The following RBFOX1 variants were observed in gnomAD, a reference collection of about 807,000 sequenced individuals.
RBFOX1 encodes the protein RNA binding protein fox-1 homolog 1.
In RBFOX1, 8 loss-of-function variants were observed where a neutral mutation model predicts 57.7. The observed-to-expected ratio is 0.14, with a 90% CI of 0.08 to 0.25. The LOEUF (loss-of-function observed/expected upper bound fraction) is 0.25, where lower values mean the gene tolerates loss of function less well. Among genes scored for constraint, RBFOX1 ranks in the 10% least tolerant of loss-of-function variants. RBFOX1 has a pLI of 1.00. For missense variants in RBFOX1, 611 were observed against 548.5 expected (o/e 1.11, Z -1.14); for synonymous variants, 326 against 222.4 (o/e 1.47, Z -4.15).
At chr16:5,739,936 G>C (rs2052716196) in intron 3 of RBFOX1, among the ~76,000 whole-genome samples, 1 of 152,238 alleles carries the variant, frequency 6.6e-6, no homozygotes, top group Non-Finnish European at 1.5e-5. Flanking sequence ...ACCACAGCTA[G>C]AGACAGAGGA....
intron 3 of RBFOX1, among the ~76,000 whole-genome samples, chr16:6,938,065 C>G (rs1359271217): frequency 2.0e-5 from 3 of 151,946 alleles, no homozygotes; most frequent in African/African-American, 4.8e-5. Flanking sequence ...GGATATCCCT[C>G]AGTTTCTGCT....
intron 1 of RBFOX1, among the ~76,000 whole-genome samples, chr16:6,036,507 A>G (rs998886717): frequency 2.0e-5 from 3 of 152,162 alleles, no homozygotes; most frequent in South Asian, 4.1e-4. Context: ...GCAAATACCT[A>G]TCACTTAGAT....
At chr16:6,180,178 A>G (rs1303277864) in intron 1 of RBFOX1, among the ~76,000 whole-genome samples, 1 of 152,146 alleles carries the variant, frequency 6.6e-6, no homozygotes, top group Non-Finnish European at 1.5e-5. Context: ...TTCTTTTGGA[A>G]GGTATTTCGA....
chr16:6,179,227 A>G (rs2097041597), intron 1 of RBFOX1, among the ~76,000 whole-genome samples: 1 of 152,242 alleles, frequency 6.6e-6, no homozygotes, highest in African/African-American at 2.4e-5. Flanking sequence ...CCCTTTAACT[A>G]TCCAACGCCG....
intron 3 of RBFOX1, among the ~76,000 whole-genome samples, chr16:5,609,400 C>G (rs879933394): frequency 6.6e-6 from 1 of 152,150 alleles, no homozygotes; most frequent in Non-Finnish European, 1.5e-5. Flanking sequence ...AATGTGAATG[C>G]CTGTCACCTT....
chr16:7,570,234 C>G (rs987117901), intron 5 of RBFOX1, among the ~76,000 whole-genome samples: 1 of 150,708 alleles, frequency 6.6e-6, no homozygotes, highest in Admixed American at 6.6e-5. Context: ...TTTTATTTTA[C>G]AAGACAGGCT....
At chr16:7,314,937 G>A (rs1346696262) in intron 4 of RBFOX1, among the ~76,000 whole-genome samples, 1 of 152,196 alleles carries the variant, frequency 6.6e-6, no homozygotes, top group Non-Finnish European at 1.5e-5. Flanking sequence ...AATTCTGGAT[G>A]TAGGAAAGTT....
chr16:7,703,421 C>T (rs1263046049), intron 14 of RBFOX1, among the ~76,000 whole-genome samples: 1 of 152,126 alleles, frequency 6.6e-6, no homozygotes, highest in Non-Finnish European at 1.5e-5. Context: ...TTTCACTCAT[C>T]TTTCTGCTCC....
chr16:5,872,283 G>A (rs1045414654), intron 4 of RBFOX1, among the ~76,000 whole-genome samples: 2 of 152,214 alleles, frequency 1.3e-5, no homozygotes, highest in Non-Finnish European at 2.9e-5. Flanking sequence ...AAGAGTTTTG[G>A]AGTCTTGTAG....
chr16:5,852,106 G>C (rs1050991584), intron 3 of RBFOX1, among the ~76,000 whole-genome samples: 3 of 152,196 alleles, frequency 2.0e-5, no homozygotes, highest in Non-Finnish European at 4.4e-5. Flanking sequence ...AGAGTGATCA[G>C]AATGATCCTT....
chr16:6,116,975 G>C (rs2152611680), intron 1 of RBFOX1, among the ~76,000 whole-genome samples: 2 of 152,262 alleles, frequency 1.3e-5, no homozygotes, highest in Non-Finnish European at 2.9e-5. Context: ...GCAGATACTA[G>C]AAGTCCTTTC....
chr16:7,014,023 G>C (rs1311270999), intron 3 of RBFOX1, among the ~76,000 whole-genome samples: 1 of 152,104 alleles, frequency 6.6e-6, no homozygotes, highest in African/African-American at 2.4e-5. Context: ...TAGGTTTCAA[G>C]GAACTTGAGG....
intron 3 of RBFOX1, among the ~76,000 whole-genome samples, chr16:6,956,372 C>G (rs1032969102): frequency 3.3e-4 from 50 of 152,306 alleles, no homozygotes; most frequent in African/African-American, 1.2e-3. Context: ...TCTTCAGTGT[C>G]AAGACTGGAC....
intron 4 of RBFOX1, among the ~76,000 whole-genome samples, chr16:7,515,026 C>G (rs559551040): frequency 1.3e-5 from 2 of 152,264 alleles, no homozygotes; most frequent in African/African-American, 4.8e-5. Context: ...GTCTACCTTT[C>G]ACTTCAGAGA....
chr16:6,206,657 T>A (rs2097257310), intron 1 of RBFOX1, among the ~76,000 whole-genome samples: 1 of 152,164 alleles, frequency 6.6e-6, no homozygotes, highest in Non-Finnish European at 1.5e-5. Context: ...AATTATACAC[T>A]CATCAGAAGT....
chr16:5,244,621 C>G (rs1256757935), intron 1 of RBFOX1, among the ~76,000 whole-genome samples: 1 of 152,254 alleles, frequency 6.6e-6, no homozygotes, highest in Non-Finnish European at 1.5e-5. Flanking sequence ...ATCTTTGAAG[C>G]TGACATGAAG....
At chr16:6,555,222 C>G (rs1434731582) in intron 2 of RBFOX1, among the ~76,000 whole-genome samples, 1 of 152,180 alleles carries the variant, frequency 6.6e-6, no homozygotes, top group African/African-American at 2.4e-5. Flanking sequence ...CATTCCATAT[C>G]AGGTAAGATC....
chr16:5,367,184 A>G (rs559743467), intron 1 of RBFOX1, among the ~76,000 whole-genome samples: 3 of 152,310 alleles, frequency 2.0e-5, no homozygotes, highest in South Asian at 4.1e-4. Flanking sequence ...TACAGAATAT[A>G]ATTATTTCCC....
At chr16:7,045,626 G>A (rs933873781) in intron 3 of RBFOX1, among the ~76,000 whole-genome samples, 2 of 151,886 alleles carry the variant, frequency 1.3e-5, no homozygotes, top group South Asian at 4.2e-4. Flanking sequence ...GAAGGCAGAT[G>A]TTAAAAATAT....
Sources: allele counts gnomAD v4.1 joint callset (sites outside exome capture counted in the v4.1 genomes callset), GRCh38; gene constraint gnomAD v4.1.1; transcripts MANE v1.5; gene names NCBI Gene and HGNC (gene_info 2026-07-23, HGNC 2026-07-21).